TENM2: variants seen among roughly 807,000 people sequenced by gnomAD.
TENM2 encodes teneurin-2.
TENM2 carries 52 observed loss-of-function variants against 245.2 expected under a neutral mutation model. That is an observed-to-expected ratio of 0.21 (90% CI 0.17 to 0.27). TENM2 has a LOEUF of 0.27. TENM2 is among the 10% of genes least tolerant of loss of function. The pLI is 1.00. For synonymous variants in TENM2, 1,363 were observed against 1,438.9 expected, an observed-to-expected ratio of 0.95 and a Z score of 1.19; for missense variants, 3,046 against 3,666.8, an observed-to-expected ratio of 0.83 and a Z score of 4.37.
chr5:167,811,157 A>C (rs1030375361), intron 2 of TENM2, among the ~76,000 whole-genome samples: 1 of 152,130 alleles, frequency 6.6e-6, no homozygotes, highest in Non-Finnish European at 1.5e-5. Context: ...ATTTGCACAA[A>C]CTGTGCATTT....
Position 168,245,702 on chromosome 5 carries a change from A to G in TENM2, c.5817+986A>G, listed in dbSNP as rs142091439. On this transcript the variant is annotated intron_variant, in intron 26 of 28. Transcript: ENST00000518659. ...CCTAGACTCCCCTTGGTGCAGGTCC[A>G]TTCCTTCCTTTCTCACCAACTCATT... Among the ~76,000 whole-genome samples the G allele has an allele frequency of 7.5e-3, 1,141 of 152,094 alleles. 5 individuals are homozygous for G. The highest frequency in any genetic ancestry group is 0.012 in the Admixed American group (185 of 15,270).
chr5:168,200,750 A>G (rs1407668502), intron 17 of TENM2, among the ~76,000 whole-genome samples: 2 of 152,182 alleles, frequency 1.3e-5, no homozygotes, highest in Non-Finnish European at 2.9e-5. Context: ...TTCCCTCCTT[A>G]TGAAAGATCT....
intron 2 of TENM2, among the ~76,000 whole-genome samples, chr5:167,534,176 A>G (rs1771698477): frequency 6.6e-6 from 1 of 152,230 alleles, no homozygotes; most frequent in Admixed American, 6.5e-5. Context: ...TGAGGATTAC[A>G]TTGATGTCTC....
At chr5:167,935,920 T>C (rs575356066) in intron 3 of TENM2, among the ~76,000 whole-genome samples, 1 of 152,282 alleles carries the variant, frequency 6.6e-6, no homozygotes, top group East Asian at 1.9e-4. Flanking sequence ...CCAGCTCATG[T>C]TCTGTATCTC....
chr5:167,656,461 A>G (rs1228091569), intron 2 of TENM2, among the ~76,000 whole-genome samples: 2 of 152,158 alleles, frequency 1.3e-5, no homozygotes, highest in East Asian at 1.9e-4. Context: ...GAGCAAAGGC[A>G]TGGTGGAAGA....
At chr5:167,600,501 G>A (rs1582504980) in intron 2 of TENM2, among the ~76,000 whole-genome samples, 1 of 152,174 alleles carries the variant, frequency 6.6e-6, no homozygotes, top group East Asian at 1.9e-4. Context: ...ATCCACAAAT[G>A]TCATAAATTA....
intron 3 of TENM2, among the ~76,000 whole-genome samples, chr5:167,896,300 C>T (rs569815785): frequency 2.7e-4 from 41 of 152,270 alleles, no homozygotes; most frequent in Non-Finnish European, 4.6e-4. Flanking sequence ...TTGGGGAAAG[C>T]TTGAATAGCT....
intron 12 of TENM2, among the ~76,000 whole-genome samples, chr5:168,131,460 T>C (rs1053664399): frequency 1.3e-5 from 2 of 152,204 alleles, no homozygotes; most frequent in African/African-American, 4.8e-5. Context: ...CCTTCTATTT[T>C]TCCTCTTTAA....
chr5:167,299,544 G>A (rs973236751), intron 1 of TENM2, among the ~76,000 whole-genome samples: 1 of 152,152 alleles, frequency 6.6e-6, no homozygotes, highest in African/African-American at 2.4e-5. Flanking sequence ...ACACTGAGAA[G>A]TTATTTCCTT....
intron 2 of TENM2, among the ~76,000 whole-genome samples, chr5:167,577,457 T>C (rs1360822264): frequency 3.9e-5 from 6 of 152,222 alleles, no homozygotes; most frequent in East Asian, 1.9e-4. Flanking sequence ...CACCTATTTA[T>C]TTCTCTTTTC....
chr5:167,014,650 T>C, the TENM2 span, among the ~76,000 whole-genome samples: 1 of 152,298 alleles, frequency 6.6e-6, no homozygotes, highest in African/African-American at 2.4e-5. Flanking sequence ...TACTCCAAAG[T>C]GAACAGATGT....
chr5:167,864,068 C>T (rs942974498), intron 2 of TENM2, among the ~76,000 whole-genome samples: 3 of 152,124 alleles, frequency 2.0e-5, no homozygotes, highest in Non-Finnish European at 4.4e-5. Context: ...TAATCTTTAG[C>T]ATCTTATCAA....
chr5:167,114,417 A>C, the TENM2 span, among the ~76,000 whole-genome samples: 587 of 152,340 alleles, frequency 3.9e-3, 6 homozygotes, highest in South Asian at 0.018. Flanking sequence ...TTAAAAACTC[A>C]CTTGCAAGAG....
intron 17 of TENM2, 97 bp from the exon 20 acceptor site, chr5:168,203,592 T>C: frequency 7.8e-7 from 1 of 1,286,892 alleles, no homozygotes; most frequent in Non-Finnish European, 1.1e-6. Flanking sequence ...TCTGTATTAC[T>C]GCGAACACGT....
chr5:167,050,857 A>T, the TENM2 span, among the ~76,000 whole-genome samples: 1 of 152,164 alleles, frequency 6.6e-6, no homozygotes. Context: ...GAGGATTGAC[A>T]ATGTTGCTTT....
chr5:168,176,535 G>T (rs1759376454), intron 13 of TENM2, among the ~76,000 whole-genome samples: 1 of 152,026 alleles, frequency 6.6e-6, no homozygotes, highest in Admixed American at 6.6e-5. Context: ...AGCCCTCCCT[G>T]CCCTCCCTGT....
At chr5:167,017,517 A>G in the TENM2 span, among the ~76,000 whole-genome samples, 1 of 152,288 alleles carries the variant, frequency 6.6e-6, no homozygotes, top group South Asian at 2.1e-4. Flanking sequence ...TGTGTTCTGT[A>G]AAACTTTATT....
At chr5:167,837,598 G>A (rs1245116658) in intron 2 of TENM2, among the ~76,000 whole-genome samples, 1 of 152,212 alleles carries the variant, frequency 6.6e-6, no homozygotes, top group Non-Finnish European at 1.5e-5. Flanking sequence ...GGTATACATT[G>A]TGAATGGCAT....
chr5:167,986,267 A>C (rs1783239904), intron 4 of TENM2, among the ~76,000 whole-genome samples: 1 of 152,216 alleles, frequency 6.6e-6, no homozygotes, highest in Non-Finnish European at 1.5e-5. Flanking sequence ...TTTTCACATG[A>C]GGAAAAGTGA....
Sources: allele counts gnomAD v4.1 joint callset (sites outside exome capture counted in the v4.1 genomes callset), GRCh38; gene constraint gnomAD v4.1.1; transcripts MANE v1.5; gene names NCBI Gene and HGNC (gene_info 2026-07-23, HGNC 2026-07-21).